RNF207: variants seen among roughly 807,000 people sequenced by gnomAD.
RNF207 encodes the protein ring finger protein 207, also known as OTTHUMG00000001089.
In RNF207, 72 loss-of-function variants were observed where a neutral mutation model predicts 79.0. That is an observed-to-expected ratio of 0.91 (90% CI 0.75 to 1.11). The LOEUF (loss-of-function observed/expected upper bound fraction) is 1.11. Ranked by LOEUF, RNF207 falls within the 50% of genes least tolerant of loss-of-function variation. The probability of loss-of-function intolerance (pLI) is 0.00; values close to 1 mark genes in which losing one functional copy is unlikely to be tolerated. For synonymous variants in RNF207, 348 were observed against 366.2 expected, an observed-to-expected ratio of 0.95 and a Z score of 0.57; for missense variants, 936 against 855.8, an observed-to-expected ratio of 1.09 and a Z score of -1.17.
In RNF207 at chr1:6,212,335, C is replaced by T. The variant is rs1282591890; in HGVS notation, c.1401C>T (p.Val467=). ...SLIKAEIMGD[V]LHKSLQLDVQ... ...TCAAGGCGGAGATCATGGGAGACGT[C>T]CTGCACAAGTCCCTGCAACTGGACG... is the stretch of plus-strand genomic sequence containing the variant. Residue 467 remains valine (V), a synonymous_variant, in exon 14 of 18, where the codon GTC becomes GTT. Coordinates refer to ENST00000377939, the MANE Select transcript of RNF207 (RefSeq NM_207396.3). The T allele has an allele frequency of 1.3e-5, 21 of 1,613,958 alleles. No individual in the cohort carries two copies. The highest frequency in any genetic ancestry group is 1.8e-5 in the Non-Finnish European group (21 of 1,179,994).
rs1467789248 is a variant in RNF207, at chr1:6,211,929, A to G, written c.1172A>G (p.Lys391Arg). 5.2e-6 allele frequency: 8 copies of G among 1,552,744 alleles called. No individual in the cohort carries two copies. Among genetic ancestry groups the G allele is most frequent in the Admixed American group, 2.0e-5 (1 of 51,208 alleles). Reference protein sequence around the residue: ...TGPHCPSPVGKMSGSPVQKPT... With the variant: ...TGPHCPSPVGRMSGSPVQKPT... ...CCCCACTGCCCCTCCCCAGTAGGAA[A>G]GATGTCGGGGTCACCCGTCCAAAAG... The change falls in exon 13 of 18, where the codon AAG becomes AGG. Residue 391 changes from lysine (K) to arginine (R), a missense_variant. Lys to Arg is a conservative substitution (Grantham distance 26). Transcript: ENST00000377939. This position sits in a 1 kb window ranked among gnomAD's most constrained non-coding sequence, Gnocchi z 4.2.
chr1:6,212,448 C>T, intron 14 of RNF207, 32 bp downstream of exon 14: 1 of 1,576,674 alleles, frequency 6.3e-7, no homozygotes, highest in South Asian at 1.2e-5. Context: ...ACTCCAGCCC[C>T]ACCTGTCAGG....
In RNF207 at chr1:6,207,323, G is replaced by A; in HGVS notation, c.192-56G>A. On this transcript the variant is annotated intron_variant, in intron 2 of 17. Transcript: ENST00000377939. The surrounding 1 kb of genome is among the most constrained non-coding windows in gnomAD (Gnocchi z 4.5). ...TCCAGCCTGGAATGTGAGGGGTGGG[G>A]GTGGGGAGCCCTGGGGAAGGGGTAT... 1.3e-6 allele frequency: 2 copies of A among 1,492,096 alleles called. No homozygotes were observed. The highest frequency in any genetic ancestry group is 1.4e-5 in the South Asian group (1 of 72,422). The allele number at this position is 1,492,096 out of a possible 1,614,324, so 92.4% of individuals were successfully genotyped here. A position where few individuals can be genotyped will look rare whatever the true frequency, so the allele number is the denominator to read the frequency against.
chr1:6,214,589 G>T (rs536791285), intron 16 of RNF207, among the ~76,000 whole-genome samples: 1 of 144,292 alleles, frequency 6.9e-6, no homozygotes, highest in Non-Finnish European at 1.5e-5. Context: ...TTTTAGTAGA[G>T]ATGGAGTTTT....
At chr1:6,218,859 G>C (rs186773525) in intron 17 of RNF207, among the ~76,000 whole-genome samples, 1 of 152,318 alleles carries the variant, frequency 6.6e-6, no homozygotes, top group Non-Finnish European at 1.5e-5. Context: ...ATGAGAACCA[G>C]AAGAGCCTAG....
Position 6,209,479 on chromosome 1 carries a change from G to A in RNF207, c.693G>A (p.Glu231=). The A allele has an allele frequency of 1.3e-6, 2 of 1,492,918 alleles. No individual in the cohort carries two copies. Among genetic ancestry groups the A allele is most frequent in the South Asian group, 1.3e-5 (1 of 75,036 alleles). The allele number at this position is 1,492,918 out of a possible 1,614,324, so 92.5% of individuals were successfully genotyped here. A position where few individuals can be genotyped will look rare whatever the true frequency, so the allele number is the denominator to read the frequency against. The part of the protein sequence containing the change: ...AIALLQAMVE[E]VRHSAAEEED... ...CGCTGCTGCAGGCCATGGTGGAGGA[G>A]GTGCGGCACAGCGCCGCCGAGGAGG... Residue 231 remains glutamate, a synonymous_variant, in exon 7 of 18, where the codon GAG becomes GAA. Coordinates refer to ENST00000377939, the MANE Select transcript of RNF207 (RefSeq NM_207396.3).
In RNF207 at chr1:6,211,856, T is replaced by G. The variant is rs1260866203; in HGVS notation, c.1110-11T>G. 20 of 1,545,542 alleles carry G rather than the reference T, an allele frequency of 1.3e-5. 1 individual carries two copies. The South Asian group carries it at 2.4e-4, about 18-fold the overall frequency. On this transcript the variant is annotated splice_polypyrimidine_tract_variant and intron_variant, in intron 12 of 17. Coordinates refer to ENST00000377939, the MANE Select transcript of RNF207 (RefSeq NM_207396.3). This position sits in a 1 kb window ranked among gnomAD's most constrained non-coding sequence, Gnocchi z 4.2. ...CCCACCCCCCTGCATCCACACTGGCTCTCTCCCCAGGCTGGCAGGGGGCTT... is the reference window on the plus strand; with the variant it reads ...CCCACCCCCCTGCATCCACACTGGCGCTCTCCCCAGGCTGGCAGGGGGCTT...
chr1:6,208,844 G>A, intron 3 of RNF207, 37 bp from the exon 4 acceptor site: 1 of 1,501,652 alleles, frequency 6.7e-7, no homozygotes, highest in Non-Finnish European at 8.8e-7. Flanking sequence ...GGCCGCGGTC[G>A]GGCTCTGGCG....
In RNF207 at chr1:6,210,232, A is replaced by T. The variant is rs1668105540; in HGVS notation, c.810A>T (p.Glu270Asp). 1 of 1,613,400 alleles carries T rather than the reference A, an allele frequency of 6.2e-7. No individual in the cohort carries two copies. Among genetic ancestry groups the T allele is most frequent in the Non-Finnish European group, 8.5e-7 (1 of 1,179,652 alleles). The part of the protein sequence containing the change: ...LLLQAVQSQY[E>D]EKDKAFKEQL... ...AGCCCCCCTCCCCCAGCCAATACGA[A>T]GAGAAGGACAAGGCCTTCAAGGAGC... Residue 270 changes from glutamate (E) to aspartate (D), a missense_variant, in exon 9 of 18, where the codon GAA becomes GAT. Coordinates refer to ENST00000377939, the MANE Select transcript of RNF207 (RefSeq NM_207396.3).
rs146058177 is a variant in RNF207, at chr1:6,212,869, C to G, written c.1534+136C>G. On this transcript the variant is annotated intron_variant, in intron 15 of 17. Coordinates refer to ENST00000377939, the MANE Select transcript of RNF207 (RefSeq NM_207396.3). Reference sequence around the variant, plus strand: ...TCCCCTTAGCGCTTGACCGTGCCTCCCAGCTGCTAACTGGCCTCAAATGAT... The same window carrying G: ...TCCCCTTAGCGCTTGACCGTGCCTCGCAGCTGCTAACTGGCCTCAAATGAT... The G allele has an allele frequency of 9.2e-4, 781 of 851,662 alleles. 1 individual carries two copies. The African/African-American group carries it at 0.01, about 11-fold the overall frequency. The allele number at this position is 851,662 out of a possible 1,614,324, so 52.8% of individuals were successfully genotyped here.
chr1:6,219,233 T>C lies in RNF207; in HGVS notation c.1734-3T>C. On this transcript the variant is annotated splice_region_variant and splice_polypyrimidine_tract_variant and intron_variant, in intron 17 of 17. Coordinates refer to ENST00000377939, the MANE Select transcript of RNF207 (RefSeq NM_207396.3). Reference sequence around the variant, plus strand: ...CTGGGCTTACATGAGGCTGTCCCTTTAGGAATAATCCAGGAAGTGTCCCGG... The same window carrying C: ...CTGGGCTTACATGAGGCTGTCCCTTCAGGAATAATCCAGGAAGTGTCCCGG... 6.2e-7 allele frequency: 1 copy of C among 1,604,784 alleles called. No homozygotes were observed. The highest frequency in any genetic ancestry group is 8.5e-7 in the Non-Finnish European group (1 of 1,175,358).
rs1668385164 is a variant in RNF207, at chr1:6,217,041, T to A, written c.1653-1248T>A. Among the ~76,000 whole-genome samples, 2 of 152,092 alleles carry A rather than the reference T, an allele frequency of 1.3e-5. No homozygotes were observed. Among genetic ancestry groups the A allele is most frequent in the African/African-American group, 4.8e-5 (2 of 41,414 alleles). On this transcript the variant is annotated intron_variant, in intron 16 of 17. Transcript: ENST00000377939. The surrounding 1 kb of genome is among the most constrained non-coding windows in gnomAD (Gnocchi z 4.2). ...TGTGCCACCATGCCCGGCTAATTTT[T>A]ATAGTTTTGGTAGAGATGGGGTTGT...
intron 7 of RNF207, 54 bp from the exon 8 acceptor site, chr1:6,209,869 TG>T: frequency 6.5e-7 from 1 of 1,532,544 alleles, no homozygotes; most frequent in Non-Finnish European, 8.8e-7. Context: ...GTAGGCATGG[TG>T]GGAGGTGGCA....
chr1:6,208,676 C>G (rs1350369257), intron 3 of RNF207: 1 of 557,880 alleles, frequency 1.8e-6, no homozygotes, highest in Non-Finnish European at 3.1e-6. Context: ...CACGGACCTA[C>G]TTACCCAGCC....
chr1:6,210,012 C>T (rs571500810), intron 8 of RNF207, 42 bp downstream of exon 8: 3 of 1,534,296 alleles, frequency 2.0e-6, no homozygotes, highest in Admixed American at 2.0e-5. Flanking sequence ...TACCCCTTGG[C>T]CTCCATGGCC....
rs372164607 is a variant in RNF207 at position 6,208,662 on chromosome 1, C to G, written c.325-219C>G. The G allele has an allele frequency of 2.0e-5, 11 of 550,132 alleles. No individual in the cohort carries two copies. In the East Asian group the frequency reaches 3.6e-4, roughly 18 times the overall value. The allele number at this position is 550,132 out of a possible 1,614,324, so 34.1% of individuals were successfully genotyped here. A position where few individuals can be genotyped will look rare whatever the true frequency, so the allele number is the denominator to read the frequency against. On this transcript the variant is annotated intron_variant, in intron 3 of 17. Transcript: ENST00000377939. ...GCCCTCTCCCCGCGTCCCCCACCCC[C>G]CTCCACGGACCTACTTACCCAGCCT...
intron 8 of RNF207, 75 bp downstream of exon 8, chr1:6,210,045 C>T (rs1668094887): frequency 1.4e-6 from 2 of 1,442,060 alleles, no homozygotes; most frequent in African/African-American, 1.4e-5. Flanking sequence ...CTGGGCAGGC[C>T]CTGCCCCACC....
Position 6,206,566 on chromosome 1 carries a change from G to A in RNF207, c.31G>A (p.Gly11Ser), listed in dbSNP as rs754991187. The change falls in exon 2 of 18, where the codon GGC (glycine) becomes AGC (serine). Residue 11 changes from glycine to serine, a missense_variant. Coordinates refer to ENST00000377939, the MANE Select transcript of RNF207 (RefSeq NM_207396.3). MSGAIFGPLE[G>S]PSSLDAPSIH... ...GGGAGCTATCTTCGGGCCCCTGGAGGGCCCGAGCTCCCTGGATGCCCCGAG... is the reference window on the plus strand; with the variant it reads ...GGGAGCTATCTTCGGGCCCCTGGAGAGCCCGAGCTCCCTGGATGCCCCGAG... The A allele has an allele frequency of 3.1e-6, 5 of 1,596,544 alleles. No homozygotes were observed. Among genetic ancestry groups the A allele is most frequent in the Admixed American group, 3.4e-5 (2 of 59,194 alleles).
chr1:6,213,073 C>T lies in RNF207; in HGVS notation c.1542C>T (p.Leu514=). 6.2e-7 allele frequency: 1 copy of T among 1,612,258 alleles called. No individual in the cohort carries two copies. The highest frequency in any genetic ancestry group is 1.1e-5 in the South Asian group (1 of 90,988). The change falls in exon 16 of 18, where the codon CTC becomes CTT. Residue 514 remains leucine (L), a synonymous_variant. Coordinates refer to ENST00000377939, the MANE Select transcript of RNF207 (RefSeq NM_207396.3). The part of the protein sequence containing the change: ...ANEQEIYEAQ[L]HDLLQLRQEN... ...CTGGCCTTGGCCCCACAGCCCAGCT[C>T]CATGACCTTCTCCAGCTGAGGCAGG...
Sources: gnomAD v4.1 joint callset for allele counts (sites outside exome capture counted in the v4.1 genomes callset) on GRCh38, gnomAD v4.1.1 for gene constraint, Gnocchi (gnomAD v3.1) non-coding constraint, MANE v1.5 for transcripts, NCBI Gene and HGNC (gene_info 2026-07-23, HGNC 2026-07-21) for gene names.